Variants in STX12 observed in about 807,000 individuals in gnomAD.
The protein encoded by STX12 is syntaxin-12.
STX12 carries 17 observed loss-of-function variants against 42.2 expected under a neutral mutation model. That is an observed-to-expected ratio of 0.40 (90% CI 0.28 to 0.60). The LOEUF is 0.60. Ranked by LOEUF, STX12 falls within the 20% of genes least tolerant of loss-of-function variation. The pLI, the probability that STX12 is intolerant of heterozygous loss-of-function variation, is 0.39. For synonymous variants in STX12, 108 were observed against 116.7 expected, an observed-to-expected ratio of 0.93 and a Z score of 0.48; for missense variants, 297 against 330.9, an observed-to-expected ratio of 0.90 and a Z score of 0.79.
intron 5 of STX12, among the ~76,000 whole-genome samples, chr1:27,810,731 TCTTAA>T (rs1451123612): frequency 3.9e-5 from 6 of 152,218 alleles, no homozygotes; most frequent in Admixed American, 3.3e-4. Context: ...TGAATGATGT[TCTTAA>T]CTTCTCCAAA....
rs1050745442 is a variant in STX12, at chr1:27,789,010, CA to C, written c.119-540del. On this transcript the variant is annotated intron_variant, in intron 1 of 8. Transcript: ENST00000373943. ...TGGGTGACAGAGTGAGACTCCATCT[CA>C]AAAAAAAAAAATAAATAAATAAAAA... Among the ~76,000 whole-genome samples the C allele has an allele frequency of 9.7e-4, 133 of 136,730 alleles. 1 individual carries two copies. The highest frequency in any genetic ancestry group is 1.3e-3 in the Admixed American group (18 of 13,518). The allele number at this position is 136,730 out of a possible 152,430, so 89.7% of individuals were successfully genotyped here.
intron 1 of STX12, among the ~76,000 whole-genome samples, chr1:27,787,916 T>C (rs2088710170): frequency 6.6e-6 from 1 of 152,206 alleles, no homozygotes; most frequent in Non-Finnish European, 1.5e-5. Context: ...ATATGTATAC[T>C]GTTTCTATAA....
intron 6 of STX12, among the ~76,000 whole-genome samples, chr1:27,816,926 GAA>G (rs944043767): frequency 2.2e-5 from 3 of 134,798 alleles, no homozygotes; most frequent in African/African-American, 5.5e-5. Context: ...AAAAAAAAAA[GAA>G]AGAGAAAGGA....
Position 27,822,619 on chromosome 1 carries a change from G to T in STX12, c.*290G>T. The T allele has an allele frequency of 3.6e-6, 1 of 276,408 alleles. No homozygotes were observed. The highest frequency in any genetic ancestry group is 6.9e-6 in the Non-Finnish European group (1 of 144,068). The allele number at this position is 276,408 out of a possible 1,614,324, so 17.1% of individuals were successfully genotyped here. A position where few individuals can be genotyped will look rare whatever the true frequency, so the allele number is the denominator to read the frequency against. On this transcript the variant is annotated 3_prime_UTR_variant, in exon 9 of 9. Coordinates refer to ENST00000373943, the MANE Select transcript of STX12 (RefSeq NM_177424.3). ...AGTGTTTACTGAAAATTCCATTCTA[G>T]ATATTCTTGTTTTGACAAATGACAC...
intron 1 of STX12, 98 bp downstream of exon 1, chr1:27,773,523 G>A: frequency 8.9e-7 from 1 of 1,121,310 alleles, no homozygotes; most frequent in Non-Finnish European, 1.3e-6. Flanking sequence ...TACGGCCGAG[G>A]CCACACCTGG....
intron 6 of STX12, among the ~76,000 whole-genome samples, chr1:27,815,750 T>C (rs771163783): frequency 3.9e-4 from 60 of 152,198 alleles, no homozygotes; most frequent in Non-Finnish European, 4.6e-4. Flanking sequence ...CTTGCCAGGT[T>C]ATGATTCCAA....
intron 1 of STX12, among the ~76,000 whole-genome samples, chr1:27,781,981 T>C (rs1355133495): frequency 6.6e-6 from 1 of 152,168 alleles, no homozygotes; most frequent in Admixed American, 6.5e-5. Context: ...CATATGAAGA[T>C]TCTCTTATTC....
chr1:27,780,919 A>C (rs1333754122), intron 1 of STX12, among the ~76,000 whole-genome samples: 1 of 151,906 alleles, frequency 6.6e-6, no homozygotes, highest in Non-Finnish European at 1.5e-5. Flanking sequence ...AGATCACGTC[A>C]CTGCACTCCA....
intron 6 of STX12, among the ~76,000 whole-genome samples, chr1:27,817,165 A>C (rs2088950011): frequency 1.3e-5 from 2 of 152,150 alleles, no homozygotes; most frequent in South Asian, 4.1e-4. Context: ...TGCCAATGTT[A>C]AATTCTTCCA....
At chr1:27,800,641 G>T (rs2088821915) in intron 3 of STX12, among the ~76,000 whole-genome samples, 1 of 151,818 alleles carries the variant, frequency 6.6e-6, no homozygotes, top group Admixed American at 6.6e-5. Flanking sequence ...TGATCCTCCT[G>T]CCCCAGCCTC....
chr1:27,775,591 A>G (rs141741009), intron 1 of STX12, among the ~76,000 whole-genome samples: 18 of 152,332 alleles, frequency 1.2e-4, no homozygotes, highest in African/African-American at 4.1e-4. Context: ...TATTTATTTG[A>G]GTATGTAGTA....
At chr1:27,794,474 A>G (rs2088771320) in intron 3 of STX12, among the ~76,000 whole-genome samples, 1 of 152,172 alleles carries the variant, frequency 6.6e-6, no homozygotes, top group African/African-American at 2.4e-5. Context: ...TTCTCTTTTC[A>G]AGTCATTTTC....
intron 2 of STX12, among the ~76,000 whole-genome samples, chr1:27,790,906 A>ACTCC: frequency 6.6e-6 from 1 of 152,170 alleles, no homozygotes; most frequent in South Asian, 2.1e-4. Flanking sequence ...GCACCATTGC[A>ACTCC]CTCCAGCCTA....
chr1:27,800,486 G>A lies in STX12; in HGVS notation c.289-1192G>A, dbSNP rs941179366. Among the ~76,000 whole-genome samples, 3 of 135,220 alleles carry A rather than the reference G, an allele frequency of 2.2e-5. No individual in the cohort carries two copies. The South Asian group carries it at 7.7e-4, about 35-fold the overall frequency. The allele number at this position is 135,220 out of a possible 152,430, so 88.7% of individuals were successfully genotyped here. On this transcript the variant is annotated intron_variant, in intron 3 of 8. Coordinates refer to ENST00000373943, the MANE Select transcript of STX12 (RefSeq NM_177424.3). ...TAGAACAGGACAATGCTGTCAGTAT[G>A]TGGTGTGTGTGTGTGTGTGTGTGTG...
At chr1:27,810,212 G>A in intron 4 of STX12, 34 bp from the exon 5 acceptor site, 3 of 1,610,484 alleles carry the variant, frequency 1.9e-6, no homozygotes, top group Non-Finnish European at 1.7e-6. Context: ...TGTGTTTCTG[G>A]ATGACAGCAG....
At chr1:27,810,897 A>G (rs1308478639) in intron 5 of STX12, among the ~76,000 whole-genome samples, 1 of 152,140 alleles carries the variant, frequency 6.6e-6, no homozygotes. Flanking sequence ...CACGAAGAGG[A>G]CGTTATTTAA....
At chr1:27,795,824 CAGTTATG>C (rs1364429293) in intron 3 of STX12, among the ~76,000 whole-genome samples, 2 of 152,120 alleles carry the variant, frequency 1.3e-5, no homozygotes, top group African/African-American at 4.8e-5. Context: ...GCTGATGTTT[CAGTTATG>C]GGCCATTTCC....
At chr1:27,804,252 C>G (rs1446357795) in intron 4 of STX12, among the ~76,000 whole-genome samples, 3 of 151,104 alleles carry the variant, frequency 2.0e-5, no homozygotes, top group African/African-American at 7.3e-5. Context: ...ATGGAGAAAC[C>G]CTGTCTCTAT....
intron 3 of STX12, 82 bp from the exon 4 acceptor site, chr1:27,801,596 T>C: frequency 2.2e-6 from 3 of 1,368,324 alleles, no homozygotes; most frequent in Non-Finnish European, 2.9e-6. Context: ...CTTTAAGGGG[T>C]ATAATTTTAC....
Sources: allele counts gnomAD v4.1 joint callset (sites outside exome capture counted in the v4.1 genomes callset), GRCh38; gene constraint gnomAD v4.1.1; transcripts MANE v1.5; gene names NCBI Gene and HGNC (gene_info 2026-07-23, HGNC 2026-07-21).